Variants in SH3BGR observed in about 807,000 individuals in gnomAD.
The protein encoded by SH3BGR is SH3 domain binding glutamate rich protein.
A neutral mutation model predicts 24.5 loss-of-function variants in SH3BGR; 29 were observed. The ratio of observed to expected loss-of-function variants is 1.18; its 90% CI spans 0.88 to 1.61. The LOEUF (loss-of-function observed/expected upper bound fraction) is 1.61. SH3BGR is among the 40% of genes most tolerant of loss of function. SH3BGR has a pLI of 0.00. For missense variants in SH3BGR, 162 were observed against 205.8 expected, an observed-to-expected ratio of 0.79 and a Z score of 1.30; for synonymous variants, 55 against 65.7, an observed-to-expected ratio of 0.84 and a Z score of 0.79.
intron 3 of SH3BGR, among the ~76,000 whole-genome samples, chr21:39,484,603 G>T (rs974475743): frequency 5.9e-5 from 9 of 152,094 alleles, no homozygotes; most frequent in Non-Finnish European, 1.2e-4. Context: ...TTGTTTTGTG[G>T]AAGAAAGGGA....
intron 3 of SH3BGR, among the ~76,000 whole-genome samples, chr21:39,484,882 C>T (rs977839754): frequency 3.9e-5 from 6 of 152,142 alleles, no homozygotes; most frequent in South Asian, 2.1e-4. Flanking sequence ...TTACTTATCA[C>T]GGTGTCATGT....
chr21:39,447,572 C>T (rs1423816344), upstream of SH3BGR, among the ~76,000 whole-genome samples: 2 of 151,904 alleles, frequency 1.3e-5, no homozygotes, highest in Non-Finnish European at 2.9e-5. Flanking sequence ...TGAGTCACAA[C>T]ACCCGGCTAA....
At chr21:39,504,735 T>C (rs1237146560) in intron 4 of SH3BGR, among the ~76,000 whole-genome samples, 2 of 152,246 alleles carry the variant, frequency 1.3e-5, no homozygotes, top group African/African-American at 4.8e-5. Flanking sequence ...GCCGTGAAAG[T>C]CAATTCAAGC....
chr21:39,452,523 G>A (rs1005070388), intron 1 of SH3BGR, among the ~76,000 whole-genome samples: 1 of 152,192 alleles, frequency 6.6e-6, no homozygotes, highest in Non-Finnish European at 1.5e-5. Flanking sequence ...GTGTAACACT[G>A]TTTGGAGCGG....
At chr21:39,461,562 C>T (rs2077755951) in intron 1 of SH3BGR, among the ~76,000 whole-genome samples, 1 of 152,260 alleles carries the variant, frequency 6.6e-6, no homozygotes, top group South Asian at 2.1e-4. Context: ...AAGGAAATAA[C>T]ATTCAGAAAA....
chr21:39,500,089 T>A (rs879180533), intron 4 of SH3BGR, among the ~76,000 whole-genome samples, 174 bp downstream of exon 4: 5 of 152,166 alleles, frequency 3.3e-5, no homozygotes, highest in Non-Finnish European at 7.3e-5. Context: ...ACTGGAATCC[T>A]GGTGCAGAGA....
chr21:39,462,823 A>G (rs578065866), intron 2 of SH3BGR, among the ~76,000 whole-genome samples: 12 of 152,370 alleles, frequency 7.9e-5, no homozygotes, highest in Admixed American at 5.2e-4. Flanking sequence ...AATTGAGGTC[A>G]CATGTTCAGA....
chr21:39,469,846 G>C (rs564158573), intron 2 of SH3BGR, among the ~76,000 whole-genome samples: 7 of 152,030 alleles, frequency 4.6e-5, no homozygotes, highest in African/African-American at 1.2e-4. Context: ...AGTAGAGACA[G>C]GGTGTCATCA....
At chr21:39,493,681 A>G (rs984900442) in intron 3 of SH3BGR, among the ~76,000 whole-genome samples, 1 of 152,118 alleles carries the variant, frequency 6.6e-6, no homozygotes, top group East Asian at 1.9e-4. Flanking sequence ...TGGGAATTGC[A>G]TTGAATTTGT....
At chr21:39,464,247 A>G (rs2077803443) in intron 2 of SH3BGR, among the ~76,000 whole-genome samples, 1 of 151,884 alleles carries the variant, frequency 6.6e-6, no homozygotes, top group African/African-American at 2.4e-5. Flanking sequence ...TTTGAGATGG[A>G]GTTTCTCTCT....
intron 4 of SH3BGR, among the ~76,000 whole-genome samples, chr21:39,503,599 C>A (rs980719387): frequency 7.9e-5 from 12 of 152,174 alleles, no homozygotes; most frequent in Non-Finnish European, 1.3e-4. Flanking sequence ...ATACTCAATG[C>A]ACACTTGTAG....
At chr21:39,491,732 T>G in intron 3 of SH3BGR, 1 of 225,958 alleles carries the variant, frequency 4.4e-6, no homozygotes, top group Non-Finnish European at 9.2e-6. Flanking sequence ...CGAAGAAGCT[T>G]GCTTAGAAAT....
intron 3 of SH3BGR, among the ~76,000 whole-genome samples, chr21:39,495,043 G>A (rs1437687852): frequency 6.6e-6 from 1 of 151,764 alleles, no homozygotes; most frequent in Non-Finnish European, 1.5e-5. Context: ...TGTTACACTT[G>A]TTTGATTTTT....
chr21:39,472,318 G>A (rs2077954171), intron 2 of SH3BGR, among the ~76,000 whole-genome samples: 1 of 152,028 alleles, frequency 6.6e-6, no homozygotes, highest in Non-Finnish European at 1.5e-5. Context: ...GCAAGAGAAA[G>A]GGAGAGCCCA....
At chr21:39,459,807 A>G (rs1470815718) in intron 1 of SH3BGR, among the ~76,000 whole-genome samples, 1 of 149,756 alleles carries the variant, frequency 6.7e-6, no homozygotes, top group Non-Finnish European at 1.5e-5. Context: ...GGCTCAAGTG[A>G]TTCTTCCACT....
chr21:39,494,744 T>A (rs947653260), intron 3 of SH3BGR, among the ~76,000 whole-genome samples: 1 of 152,096 alleles, frequency 6.6e-6, no homozygotes, highest in Admixed American at 6.6e-5. Flanking sequence ...CTATATCATT[T>A]ACCAAATTTA....
chr21:39,447,993 TAGGG>T (rs948909039), upstream of SH3BGR, among the ~76,000 whole-genome samples: 1 of 152,178 alleles, frequency 6.6e-6, no homozygotes, highest in Admixed American at 6.5e-5. Flanking sequence ...TGAAGGCTCT[TAGGG>T]AGAATTTTTT....
At chr21:39,469,804 G>A (rs922894703) in intron 2 of SH3BGR, among the ~76,000 whole-genome samples, 3 of 151,494 alleles carry the variant, frequency 2.0e-5, no homozygotes, top group Admixed American at 2.0e-4. Flanking sequence ...GATTACAGGC[G>A]CCACCACGCC....
intron 3 of SH3BGR, among the ~76,000 whole-genome samples, chr21:39,485,132 GTTCTT>G (rs2078188960): frequency 6.6e-6 from 1 of 152,154 alleles, no homozygotes; most frequent in African/African-American, 2.4e-5. Flanking sequence ...GTCAACCTTA[GTTCTT>G]TAAAAGCATG....
Sources: gnomAD v4.1 joint callset for allele counts (sites outside exome capture counted in the v4.1 genomes callset) on GRCh38, gnomAD v4.1.1 for gene constraint, MANE v1.5 for transcripts, NCBI Gene and HGNC (gene_info 2026-07-23, HGNC 2026-07-21) for gene names.